TCF12: variants seen among roughly 807,000 people sequenced by gnomAD.
TCF12 encodes the protein transcription factor 12, also known as DNA-binding protein HTF4.
TCF12 carries 45 observed loss-of-function variants against 86.0 expected under a neutral mutation model. The observed-to-expected ratio is 0.52, with a 90% CI of 0.41 to 0.67. The LOEUF (loss-of-function observed/expected upper bound fraction) is 0.67, where lower values mean the gene tolerates loss of function less well. TCF12 is among the 30% of genes least tolerant of loss of function. The pLI, the probability that TCF12 is intolerant of heterozygous loss-of-function variation, is 0.00. For missense variants in TCF12, 881 were observed against 859.9 expected, an observed-to-expected ratio of 1.02 and a Z score of -0.31; for synonymous variants, 330 against 299.6, an observed-to-expected ratio of 1.10 and a Z score of -1.05.
chr15:57,194,011 T>C (rs2057120655), intron 7 of TCF12, among the ~76,000 whole-genome samples: 1 of 152,182 alleles, frequency 6.6e-6, no homozygotes, highest in Non-Finnish European at 1.5e-5. Flanking sequence ...TCTAGACGTG[T>C]CAGTGTTACT....
intron 3 of TCF12, among the ~76,000 whole-genome samples, chr15:56,946,681 C>T (rs780202002): frequency 1.5e-4 from 23 of 150,824 alleles, no homozygotes; most frequent in Non-Finnish European, 3.2e-4. Context: ...TGGATTTTGT[C>T]ATTTTTTGTT....
At chr15:57,077,379 A>ATT (rs1212052276) in intron 4 of TCF12, among the ~76,000 whole-genome samples, 695 of 48,670 alleles carry the variant, frequency 0.014, 37 homozygotes, top group African/African-American at 0.055. Context: ...GTGTGTATAT[A>ATT]TATTTTTTTT....
At chr15:57,084,142 C>T (rs538965075) in intron 4 of TCF12, among the ~76,000 whole-genome samples, 2 of 152,002 alleles carry the variant, frequency 1.3e-5, no homozygotes, top group Non-Finnish European at 2.9e-5. Context: ...ACTGATTTTA[C>T]AAATATCAGG....
At chr15:57,108,368 C>T (rs2050269526) in intron 5 of TCF12, among the ~76,000 whole-genome samples, 3 of 152,104 alleles carry the variant, frequency 2.0e-5, no homozygotes, top group Admixed American at 2.0e-4. Flanking sequence ...GACACAAAAA[C>T]AATTAATATC....
At chr15:57,046,140 C>T (rs1011369381) in intron 3 of TCF12, among the ~76,000 whole-genome samples, 15 of 152,224 alleles carry the variant, frequency 9.9e-5, no homozygotes, top group African/African-American at 3.4e-4. Flanking sequence ...CCAACATCAT[C>T]TCATTTAATT....
chr15:57,159,580 T>C (rs1400147130), intron 5 of TCF12, among the ~76,000 whole-genome samples: 2 of 152,226 alleles, frequency 1.3e-5, no homozygotes, highest in African/African-American at 2.4e-5. Context: ...GAAAAGTAAA[T>C]ATGGAAAAGC....
chr15:57,194,960 T>C (rs972314428), intron 7 of TCF12, among the ~76,000 whole-genome samples: 2 of 152,172 alleles, frequency 1.3e-5, no homozygotes, highest in Admixed American at 6.5e-5. Flanking sequence ...TGGAGTACAA[T>C]GGCATGATCT....
chr15:57,253,205 T>C (rs1362661885), intron 15 of TCF12, 57 bp from the exon 16 acceptor site: 1 of 1,585,212 alleles, frequency 6.3e-7, no homozygotes, highest in Non-Finnish European at 8.7e-7. Flanking sequence ...ACGTAGCAGT[T>C]AATGAATCTA....
chr15:57,276,069 C>A (rs747035617), intron 19 of TCF12, among the ~76,000 whole-genome samples: 1 of 152,238 alleles, frequency 6.6e-6, no homozygotes, highest in African/African-American at 2.4e-5. Context: ...ACTCAAGACT[C>A]AGTGGTTAAA....
intron 3 of TCF12, among the ~76,000 whole-genome samples, chr15:57,049,596 C>T (rs998315533): frequency 6.6e-6 from 1 of 152,174 alleles, no homozygotes; most frequent in African/African-American, 2.4e-5. Flanking sequence ...AACCATCATA[C>T]ATTTATCCCC....
chr15:57,111,814 A>T (rs1479269304), intron 5 of TCF12, among the ~76,000 whole-genome samples: 9 of 152,024 alleles, frequency 5.9e-5, no homozygotes, highest in Non-Finnish European at 1.3e-4. Context: ...GCTGGTCTCA[A>T]ACTCCAGAGC....
At chr15:57,282,256 T>TGGTC in intron 19 of TCF12, 189 bp from the exon 20 acceptor site, 2 of 640,988 alleles carry the variant, frequency 3.1e-6, no homozygotes, top group South Asian at 4.0e-5. Flanking sequence ...AAACACAAGA[T>TGGTC]GGTCACTTAG....
At chr15:57,251,445 G>A (rs755902598) in intron 14 of TCF12, 22 bp downstream of exon 14, 4 of 1,610,768 alleles carry the variant, frequency 2.5e-6, no homozygotes, top group African/African-American at 1.3e-5. Flanking sequence ...TTATACATCA[G>A]TTTTATCTGA....
chr15:57,166,070 G>C (rs1172184032), intron 5 of TCF12, among the ~76,000 whole-genome samples: 1 of 152,152 alleles, frequency 6.6e-6, no homozygotes, highest in Non-Finnish European at 1.5e-5. Context: ...TGGGAATACA[G>C]GCATATATCA....
intron 4 of TCF12, among the ~76,000 whole-genome samples, chr15:57,081,733 TG>T (rs1261510708): frequency 6.6e-6 from 1 of 152,194 alleles, no homozygotes; most frequent in East Asian, 1.9e-4. Context: ...TTGTTGTTTT[TG>T]TTTTTTGTAT....
At chr15:56,951,626 C>T (rs1306170499) in intron 3 of TCF12, among the ~76,000 whole-genome samples, 3 of 152,050 alleles carry the variant, frequency 2.0e-5, no homozygotes, top group African/African-American at 7.2e-5. Context: ...CTTAATTGGT[C>T]ACAAATGTTT....
At chr15:57,258,371 C>T (rs2152041012) in intron 16 of TCF12, among the ~76,000 whole-genome samples, 1 of 152,268 alleles carries the variant, frequency 6.6e-6, no homozygotes, top group African/African-American at 2.4e-5. Context: ...TGATTTATGG[C>T]CGTAATACCT....
At chr15:56,982,088 T>G (rs1363141055) in intron 3 of TCF12, among the ~76,000 whole-genome samples, 4 of 152,164 alleles carry the variant, frequency 2.6e-5, no homozygotes, top group African/African-American at 9.7e-5. Context: ...GATTCTAAAT[T>G]TAGATATAAT....
At chr15:57,211,757 C>T (rs2058109855) in intron 8 of TCF12, among the ~76,000 whole-genome samples, 1 of 152,192 alleles carries the variant, frequency 6.6e-6, no homozygotes, top group Non-Finnish European at 1.5e-5. Flanking sequence ...AGTTCAAGAC[C>T]AGCCTGGCCA....
Sources: allele counts gnomAD v4.1 joint callset (sites outside exome capture counted in the v4.1 genomes callset), GRCh38; gene constraint gnomAD v4.1.1; transcripts MANE v1.5; gene names NCBI Gene and HGNC (gene_info 2026-07-23, HGNC 2026-07-21).